Variants in NBEA observed in about 807,000 individuals in gnomAD.
The protein encoded by NBEA is lysosomal-trafficking regulator 2.
A neutral mutation model predicts 343.4 loss-of-function variants in NBEA; 44 were observed. The observed-to-expected ratio is 0.13, with a 90% confidence interval of 0.10 to 0.16. NBEA has a LOEUF of 0.16. Ranked by LOEUF, NBEA falls within the 10% of genes least tolerant of loss-of-function variation. The pLI, the probability that NBEA is intolerant of heterozygous loss-of-function variation, is 1.00. For missense variants in NBEA, 2,555 were observed against 3,631.3 expected (o/e 0.70, Z 7.62); for synonymous variants, 1,175 against 1,238.7 (o/e 0.95, Z 1.08).
chr13:35,132,185 T>C (rs2067463995), intron 17 of NBEA, among the ~76,000 whole-genome samples: 1 of 151,984 alleles, frequency 6.6e-6, no homozygotes, highest in Non-Finnish European at 1.5e-5. Context: ...TGAGATGGAG[T>C]CTCACTCTAT....
chr13:34,959,086 G>A (rs962219267), intron 1 of NBEA, among the ~76,000 whole-genome samples: 2 of 152,000 alleles, frequency 1.3e-5, no homozygotes, highest in Non-Finnish European at 2.9e-5. Flanking sequence ...TACCTTAGAA[G>A]CCAGGTCAAA....
chr13:35,221,191 A>G (rs1031281885), intron 33 of NBEA, among the ~76,000 whole-genome samples: 2 of 152,090 alleles, frequency 1.3e-5, no homozygotes, highest in Non-Finnish European at 2.9e-5. Context: ...TAAAAATACA[A>G]AAATTAGCTG....
intron 1 of NBEA, among the ~76,000 whole-genome samples, chr13:34,949,496 T>G (rs1299127643): frequency 6.6e-6 from 1 of 152,144 alleles, no homozygotes; most frequent in Non-Finnish European, 1.5e-5. Flanking sequence ...AGAAGGAAAA[T>G]CTGCGTTATG....
chr13:35,381,294 T>G (rs2042000853), intron 38 of NBEA, among the ~76,000 whole-genome samples: 1 of 152,104 alleles, frequency 6.6e-6, no homozygotes, highest in Non-Finnish European at 1.5e-5. Context: ...ACAACTATTC[T>G]GTAATATGTC....
chr13:35,247,448 C>A (rs925211939), intron 34 of NBEA, among the ~76,000 whole-genome samples: 4 of 152,296 alleles, frequency 2.6e-5, no homozygotes, highest in African/African-American at 9.6e-5. Context: ...AGAGAACCCA[C>A]AGGGCTTTTC....
At chr13:35,065,243 C>G in intron 8 of NBEA, among the ~76,000 whole-genome samples, 1 of 151,714 alleles carries the variant, frequency 6.6e-6, no homozygotes, top group Non-Finnish European at 1.5e-5. Context: ...CTATAAAATC[C>G]CTGACTTTTC....
intron 13 of NBEA, among the ~76,000 whole-genome samples, chr13:35,116,336 G>A (rs1395919279): frequency 6.6e-6 from 1 of 152,106 alleles, no homozygotes; most frequent in Non-Finnish European, 1.5e-5. Context: ...TGTTTATACA[G>A]GTGTTCATTT....
chr13:35,567,843 T>G (rs1161386047), intron 45 of NBEA, among the ~76,000 whole-genome samples: 1 of 152,182 alleles, frequency 6.6e-6, no homozygotes, highest in Non-Finnish European at 1.5e-5. Context: ...GCCCTGTGAT[T>G]TAGGGAAACA....
chr13:34,971,687 A>G (rs748179858), intron 1 of NBEA, among the ~76,000 whole-genome samples: 15 of 152,106 alleles, frequency 9.9e-5, no homozygotes, highest in African/African-American at 3.4e-4. Flanking sequence ...CCAACCTTGT[A>G]TCCTGGGGAT....
chr13:35,293,186 A>G (rs1435734620), intron 35 of NBEA, among the ~76,000 whole-genome samples: 1 of 152,024 alleles, frequency 6.6e-6, no homozygotes, highest in Non-Finnish European at 1.5e-5. Flanking sequence ...CTTGTCAAGG[A>G]TAATTCAGTT....
rs963777555 is a variant in NBEA at position 35,568,553 on chromosome 13, A to G, written c.7035+1536A>G. On this transcript the variant is annotated intron_variant, in intron 45 of 58. Coordinates refer to ENST00000379939, the MANE Select transcript of NBEA (RefSeq NM_001385012.1). The stretch of plus-strand genomic sequence containing the variant: ...TCTAGTTATAGATTATCTAAATAAT[A>G]AGATCAGTCCCCCAAAAAATTAAAA... Among the ~76,000 whole-genome samples, 3 of 152,190 alleles carry G rather than the reference A, an allele frequency of 2.0e-5. No homozygotes were observed. The East Asian group carries it at 5.8e-4, about 29-fold the overall frequency.
At chr13:35,406,951 T>C (rs1221884110) in intron 38 of NBEA, among the ~76,000 whole-genome samples, 1 of 151,572 alleles carries the variant, frequency 6.6e-6, no homozygotes, top group African/African-American at 2.4e-5. Flanking sequence ...TTTTTTTTCT[T>C]TTTTCTTTGC....
intron 56 of NBEA, among the ~76,000 whole-genome samples, chr13:35,666,902 G>T (rs565112924): frequency 1.3e-5 from 2 of 152,080 alleles, no homozygotes; most frequent in African/African-American, 2.4e-5. Flanking sequence ...CATTTTATGC[G>T]TATGGATGAC....
chr13:35,376,772 A>T (rs1197851), intron 38 of NBEA, among the ~76,000 whole-genome samples: 45,862 of 151,852 alleles, frequency 0.3, 9,187 homozygotes, highest in African/African-American at 0.57. Context: ...GATTTAGAGT[A>T]GTAGAGTGTT....
At chr13:35,433,412 T>C (rs1456559946) in intron 39 of NBEA, among the ~76,000 whole-genome samples, 1 of 152,078 alleles carries the variant, frequency 6.6e-6, no homozygotes, top group Non-Finnish European at 1.5e-5. Flanking sequence ...GTGAGCCATC[T>C]GTTTTTAAAA....
At chr13:35,554,110 CTTTAAG>C (rs1392578081) in intron 43 of NBEA, among the ~76,000 whole-genome samples, 1 of 152,052 alleles carries the variant, frequency 6.6e-6, no homozygotes, top group Non-Finnish European at 1.5e-5. Flanking sequence ...AAATATTTCT[CTTTAAG>C]TTTATGAGTA....
At chr13:35,664,981 A>G (rs1450772007) in intron 55 of NBEA, 104 bp from the exon 56 acceptor site, 13 of 767,516 alleles carry the variant, frequency 1.7e-5, no homozygotes, top group Non-Finnish European at 2.9e-5. Context: ...CTTAATAATA[A>G]TGCCCTTAAT....
chr13:35,211,635 T>C (rs556608852), intron 33 of NBEA, among the ~76,000 whole-genome samples: 99 of 151,870 alleles, frequency 6.5e-4, no homozygotes, highest in Non-Finnish European at 1.2e-3. Flanking sequence ...GAAAACATGG[T>C]GAAACCTTGT....
chr13:35,671,141 A>G lies in NBEA; in HGVS notation c.*150A>G, dbSNP rs2085599436. ...CAATAGCTGTACATTGTAGTCAGCA[A>G]CCATTTTACTTTGTGTGTTTTTTCA... On this transcript the variant is annotated 3_prime_UTR_variant, in exon 59 of 59. Transcript: ENST00000379939. 3.4e-6 allele frequency: 2 copies of G among 581,724 alleles called. No individual in the cohort carries two copies. The highest frequency in any genetic ancestry group is 6.1e-6 in the Non-Finnish European group (2 of 326,040). The allele number at this position is 581,724 out of a possible 1,614,324, so 36.0% of individuals were successfully genotyped here. A position where few individuals can be genotyped will look rare whatever the true frequency, so the allele number is the denominator to read the frequency against.
Sources: allele counts gnomAD v4.1 joint callset (sites outside exome capture counted in the v4.1 genomes callset), GRCh38; gene constraint gnomAD v4.1.1; transcripts MANE v1.5; gene names NCBI Gene and HGNC (gene_info 2026-07-23, HGNC 2026-07-21).